The following ZNF322 variants were observed in gnomAD, a reference collection of about 807,000 sequenced individuals.
The protein encoded by ZNF322 is zinc finger protein 322.
In ZNF322, 1 loss-of-function variant was observed where a neutral mutation model predicts 18.3. The ratio of observed to expected loss-of-function variants is 0.05; its 90% CI spans 0.02 to 0.26. ZNF322 has a LOEUF of 0.26. Ranked by LOEUF, ZNF322 falls within the 10% of genes least tolerant of loss-of-function variation. The pLI is 1.00. For missense variants in ZNF322, 36 were observed against 403.6 expected (o/e 0.09, Z 7.80); for synonymous variants, 17 against 130.7 (o/e 0.13, Z 5.93).
In ZNF322 at chr6:26,634,520, G is replaced by A. The variant is rs1357972300; in HGVS notation, c.*2825C>T. The A allele has an allele frequency of 7.2e-6, 1 of 138,470 alleles. No homozygotes were observed. Among genetic ancestry groups the A allele is most frequent in the Non-Finnish European group, 1.5e-5 (1 of 64,700 alleles). 8.6% of individuals were successfully genotyped at this position (138,470 alleles called of 1,614,324 possible). On this transcript the variant is annotated 3_prime_UTR_variant, in exon 4 of 4. Coordinates refer to ENST00000415922, the MANE Select transcript of ZNF322 (RefSeq NM_024639.5). ...AAAGTTAATCTAACTACTTACCTGA[G>A]GTAGATTTAGGTTGGCACTGCTTCA...
chr6:26,649,709 T>TA (rs1765633742), intron 2 of ZNF322, among the ~76,000 whole-genome samples: 1 of 120,232 alleles, frequency 8.3e-6, no homozygotes, highest in African/African-American at 3.2e-5. Context: ...ATATTTTTTT[T>TA]TTTTTTTTTT....
intron 2 of ZNF322, among the ~76,000 whole-genome samples, chr6:26,653,686 C>A (rs1425492854): frequency 2.0e-5 from 3 of 151,882 alleles, no homozygotes; most frequent in East Asian, 1.9e-4. Context: ...TCTCCACTTG[C>A]CCCAAAAAAC....
At chr6:26,645,705 T>C (rs1299357438) in intron 2 of ZNF322, among the ~76,000 whole-genome samples, 2 of 152,154 alleles carry the variant, frequency 1.3e-5, no homozygotes, top group Non-Finnish European at 2.9e-5. Context: ...AATATAAAAA[T>C]TTATTTTTTT....
At chr6:26,647,326 G>A (rs76882810) in intron 2 of ZNF322, among the ~76,000 whole-genome samples, 2 of 151,794 alleles carry the variant, frequency 1.3e-5, no homozygotes, top group East Asian at 3.9e-4. Context: ...GATAAAAGGA[G>A]AAATCAATGA....
intron 2 of ZNF322, among the ~76,000 whole-genome samples, chr6:26,649,594 A>C (rs1322076928): frequency 1.5e-5 from 1 of 65,300 alleles, no homozygotes; most frequent in Non-Finnish European, 3.2e-5. Flanking sequence ...TTTGACTAAA[A>C]ATAAAAACTT....
chr6:26,650,194 T>C (rs975124274), intron 2 of ZNF322, among the ~76,000 whole-genome samples: 5 of 151,950 alleles, frequency 3.3e-5, no homozygotes, highest in Admixed American at 6.6e-5. Flanking sequence ...ACACAAAATA[T>C]AAAAATGTCC....
At chr6:26,641,960 T>C (rs887324325) in intron 3 of ZNF322, among the ~76,000 whole-genome samples, 2 of 151,642 alleles carry the variant, frequency 1.3e-5, no homozygotes, top group African/African-American at 4.8e-5. Context: ...CTCTTTGCAG[T>C]TGAGATAAGA....
intron 2 of ZNF322, among the ~76,000 whole-genome samples, chr6:26,658,200 T>TA (rs2113679969): frequency 6.6e-6 from 1 of 151,136 alleles, no homozygotes; most frequent in South Asian, 2.1e-4. Context: ...TTAGGGCAGT[T>TA]AGATAATCAC....
Position 26,659,700 on chromosome 6 carries a change from C to G in ZNF322, c.-594G>C, listed in dbSNP as rs553734558. 1.4e-4 allele frequency: 22 copies of G among 157,696 alleles called. No individual in the cohort carries two copies. Among genetic ancestry groups the G allele is most frequent in the Non-Finnish European group, 2.6e-4 (18 of 68,326 alleles). 9.8% of individuals were successfully genotyped at this position (157,696 alleles called of 1,614,324 possible). A position where few individuals can be genotyped will look rare whatever the true frequency, so the allele number is the denominator to read the frequency against. ...GCGCTTCAAGGGCCCACAAGGCCGG[C>G]TACGCAAACCCTTTCAAGCTGGCTG... On this transcript the variant is annotated 5_prime_UTR_variant, in exon 1 of 4. Transcript: ENST00000415922.
chr6:26,645,148 C>T (rs1765533930), intron 2 of ZNF322, among the ~76,000 whole-genome samples: 1 of 151,982 alleles, frequency 6.6e-6, no homozygotes, highest in African/African-American at 2.4e-5. Context: ...AGGAAAATAT[C>T]TCTAGAGGAA....
At chr6:26,654,716 G>C (rs781799121) in intron 2 of ZNF322, among the ~76,000 whole-genome samples, 9 of 151,580 alleles carry the variant, frequency 5.9e-5, no homozygotes, top group Non-Finnish European at 1.2e-4. Flanking sequence ...AGAAATGATG[G>C]AATTAAAAAT....
intron 3 of ZNF322, among the ~76,000 whole-genome samples, chr6:26,641,794 G>T (rs1406045814): frequency 2.0e-5 from 3 of 152,174 alleles, no homozygotes; most frequent in Non-Finnish European, 4.4e-5. Flanking sequence ...GAAGGCCGCA[G>T]GGACCTCTGC....
intron 2 of ZNF322, among the ~76,000 whole-genome samples, chr6:26,656,506 T>A (rs1765774487): frequency 6.6e-6 from 1 of 151,478 alleles, no homozygotes; most frequent in Non-Finnish European, 1.5e-5. Context: ...CAATAACTAA[T>A]AAAACAATTT....
intron 2 of ZNF322, among the ~76,000 whole-genome samples, chr6:26,651,189 A>C (rs1765661988): frequency 6.6e-6 from 1 of 152,050 alleles, no homozygotes; most frequent in African/African-American, 2.4e-5. Context: ...CAATAAATAC[A>C]AGGCAGAAAA....
chr6:26,646,658 C>A (rs1319778745), intron 2 of ZNF322, among the ~76,000 whole-genome samples: 2 of 152,000 alleles, frequency 1.3e-5, no homozygotes, highest in Non-Finnish European at 2.9e-5. Flanking sequence ...GCCTAAATAA[C>A]CTAATTAATA....
At chr6:26,655,263 G>C (rs1393864208) in intron 2 of ZNF322, among the ~76,000 whole-genome samples, 3 of 152,178 alleles carry the variant, frequency 2.0e-5, no homozygotes, top group Non-Finnish European at 2.9e-5. Flanking sequence ...GGCTAAGTTT[G>C]AATAAGGTCT....
At chr6:26,650,077 A>G (rs1205150040) in intron 2 of ZNF322, among the ~76,000 whole-genome samples, 4 of 152,104 alleles carry the variant, frequency 2.6e-5, no homozygotes, top group Non-Finnish European at 5.9e-5. Flanking sequence ...ATTTGTAACA[A>G]TATTTGAGAT....
In ZNF322 at chr6:26,636,498, CAT is replaced by C. The variant is rs1325652593; in HGVS notation, c.*845_*846del. 8 of 151,752 alleles carry C rather than the reference CAT, an allele frequency of 5.3e-5. No individual in the cohort carries two copies. The highest frequency in any genetic ancestry group is 1.3e-4 in the Admixed American group (2 of 15,226). The allele number at this position is 151,752 out of a possible 1,614,324, so 9.4% of individuals were successfully genotyped here. ...TGATTTCATGTAAAGTCCTCTCTAC[CAT>C]ATGAGTCAACTAACTATGAGAACAG... On this transcript the variant is annotated 3_prime_UTR_variant, in exon 4 of 4. Transcript: ENST00000415922.
At chr6:26,653,820 A>T (rs1279959695) in intron 2 of ZNF322, among the ~76,000 whole-genome samples, 1 of 152,168 alleles carries the variant, frequency 6.6e-6, no homozygotes, top group South Asian at 2.1e-4. Context: ...CACAGCACAC[A>T]TATTTTTACT....
Sources: allele counts gnomAD v4.1 joint callset (sites outside exome capture counted in the v4.1 genomes callset), GRCh38; gene constraint gnomAD v4.1.1; transcripts MANE v1.5; gene names NCBI Gene and HGNC (gene_info 2026-07-23, HGNC 2026-07-21).